The following CACNB2 variants were observed in gnomAD, a reference collection of about 807,000 sequenced individuals.
CACNB2 encodes calcium voltage-gated channel auxiliary subunit beta 2.
A neutral mutation model predicts 73.3 loss-of-function variants in CACNB2; 42 were observed. That is an observed-to-expected ratio of 0.57 (90% CI 0.45 to 0.74). The LOEUF (loss-of-function observed/expected upper bound fraction) is 0.74, where lower values mean the gene tolerates loss of function less well. Ranked by LOEUF, CACNB2 falls within the 30% of genes least tolerant of loss-of-function variation. CACNB2 has a pLI of 0.00. For synonymous variants in CACNB2, 348 were observed against 310.3 expected, an observed-to-expected ratio of 1.12 and a Z score of -1.28; for missense variants, 940 against 853.0, an observed-to-expected ratio of 1.10 and a Z score of -1.27.
intron 3 of CACNB2, among the ~76,000 whole-genome samples, chr10:18,423,402 G>A (rs1222125315): frequency 2.0e-5 from 3 of 152,152 alleles, no homozygotes; most frequent in Non-Finnish European, 2.9e-5. Context: ...AGTAGGAGGT[G>A]GTCTCTGCCA....
chr10:18,475,295 A>G (rs1439774995), intron 3 of CACNB2, among the ~76,000 whole-genome samples: 1 of 151,924 alleles, frequency 6.6e-6, no homozygotes, highest in South Asian at 2.1e-4. Flanking sequence ...TCAGTCTCCA[A>G]CCCTTTTCCT....
intron 2 of CACNB2, among the ~76,000 whole-genome samples, chr10:18,220,152 T>C (rs771001923): frequency 0.33 from 11,863 of 36,366 alleles, 2,742 homozygotes; most frequent in African/African-American, 0.6. Flanking sequence ...TATATATATA[T>C]ATACACACAC....
chr10:18,176,741 C>T lies in CACNB2; in HGVS notation c.213+25766C>T, dbSNP rs112091987. The stretch of plus-strand genomic sequence containing the variant: ...CCACGTACCAGCTTCCATGTGAGGA[C>T]CACCATAGAGGTGCTAGCCTATGGG... On this transcript the variant is annotated intron_variant, in intron 2 of 13. Coordinates refer to ENST00000324631, the MANE Select transcript of CACNB2 (RefSeq NM_201596.3). Among the ~76,000 whole-genome samples, 1,500 of 151,362 alleles carry T rather than the reference C, an allele frequency of 9.9e-3. 11 individuals carry two copies. The highest frequency in any genetic ancestry group is 0.018 in the East Asian group (95 of 5,150).
At chr10:18,338,136 G>T (rs1208586630) in intron 2 of CACNB2, among the ~76,000 whole-genome samples, 2 of 152,180 alleles carry the variant, frequency 1.3e-5, no homozygotes. Flanking sequence ...GGCAGCCTGT[G>T]GGTTGGGAAA....
chr10:18,409,104 G>T (rs1004069384), intron 3 of CACNB2, among the ~76,000 whole-genome samples: 2 of 152,002 alleles, frequency 1.3e-5, no homozygotes, highest in African/African-American at 4.8e-5. Context: ...TCGAGGCCAG[G>T]CTGGCCAACA....
chr10:18,260,887 G>T, intron 2 of CACNB2: 1 of 1,093,316 alleles, frequency 9.1e-7, no homozygotes, highest in Non-Finnish European at 1.1e-6. Flanking sequence ...AAAATCTCCC[G>T]AGTTGAGAAT....
chr10:18,270,833 G>A (rs577691417), intron 2 of CACNB2, among the ~76,000 whole-genome samples: 1 of 152,080 alleles, frequency 6.6e-6, no homozygotes, highest in African/African-American at 2.4e-5. Context: ...TTTGATTGTT[G>A]TATCTCTGTT....
rs576847019 is a variant in CACNB2 at position 18,347,401 on chromosome 10, G to A, written c.214-54523G>A. ...ATTTTAGTAGAGACCAAGTTGCCCA[G>A]GCTTGTCACGAACTCCTGAGCTCAG... is the stretch of plus-strand genomic sequence containing the variant. On this transcript the variant is annotated intron_variant, in intron 2 of 13. Transcript: ENST00000324631. Among the ~76,000 whole-genome samples the A allele has an allele frequency of 2.9e-5, 4 of 136,376 alleles. No homozygotes were observed. The East Asian group carries it at 9.6e-4, about 33-fold the overall frequency. 89.5% of individuals were successfully genotyped at this position (136,376 alleles called of 152,430 possible).
chr10:18,352,735 T>C (rs1185058398), intron 2 of CACNB2, among the ~76,000 whole-genome samples: 1 of 152,210 alleles, frequency 6.6e-6, no homozygotes, highest in Non-Finnish European at 1.5e-5. Flanking sequence ...CATTTCATAG[T>C]ATATGACATT....
At chr10:18,193,110 A>G (rs184161153) in intron 2 of CACNB2, among the ~76,000 whole-genome samples, 2 of 152,308 alleles carry the variant, frequency 1.3e-5, no homozygotes, top group East Asian at 3.9e-4. Flanking sequence ...TTTGAATACA[A>G]TGTATAATGA....
chr10:18,309,281 A>G (rs531751666), intron 2 of CACNB2, among the ~76,000 whole-genome samples: 3 of 100,856 alleles, frequency 3.0e-5, no homozygotes, highest in African/African-American at 1.2e-4. Flanking sequence ...CAATAGAGTC[A>G]AAAATGTCTC....
chr10:18,375,118 A>T (rs1359885272), intron 2 of CACNB2, among the ~76,000 whole-genome samples: 1 of 152,148 alleles, frequency 6.6e-6, no homozygotes, highest in Non-Finnish European at 1.5e-5. Context: ...CTCGGGAGGC[A>T]GGAAGATTGC....
At chr10:18,393,003 G>C (rs1369056011) in intron 2 of CACNB2, among the ~76,000 whole-genome samples, 1 of 152,080 alleles carries the variant, frequency 6.6e-6, no homozygotes, top group Non-Finnish European at 1.5e-5. Flanking sequence ...GGGTTCAGGA[G>C]TTCAAGACCA....
chr10:18,413,376 T>C (rs1323267075), intron 3 of CACNB2, among the ~76,000 whole-genome samples: 1 of 152,222 alleles, frequency 6.6e-6, no homozygotes, highest in Non-Finnish European at 1.5e-5. Context: ...TTCTATTCTC[T>C]CATACTTCTC....
chr10:18,366,436 G>C (rs911760586), intron 2 of CACNB2, among the ~76,000 whole-genome samples: 3 of 145,794 alleles, frequency 2.1e-5, no homozygotes, highest in African/African-American at 7.7e-5. Flanking sequence ...CTGCACTCCA[G>C]CCTGGGCGAC....
rs548220454 is a variant in CACNB2, at chr10:18,306,969, C to T, written c.214-94955C>T. Among the ~76,000 whole-genome samples, 6 of 151,894 alleles carry T rather than the reference C, an allele frequency of 4.0e-5. No individual in the cohort carries two copies. The South Asian group carries it at 8.3e-4, about 21-fold the overall frequency. ...AATAATATGGGTTAAAGGCAAGAGGCGGTAAGGATGATGTCTGTCAGTTCC... is the reference window on the plus strand; with the variant it reads ...AATAATATGGGTTAAAGGCAAGAGGTGGTAAGGATGATGTCTGTCAGTTCC... On this transcript the variant is annotated intron_variant, in intron 2 of 13. Coordinates refer to ENST00000324631, the MANE Select transcript of CACNB2 (RefSeq NM_201596.3).
At chr10:18,519,063 T>C (rs1489470172) in intron 9 of CACNB2, 95 bp downstream of exon 9, 2 of 978,262 alleles carry the variant, frequency 2.0e-6, no homozygotes, top group East Asian at 4.8e-5. Context: ...AAAATGGCCC[T>C]CTGATGTCTA....
chr10:18,294,466 G>A (rs959810908), intron 2 of CACNB2, among the ~76,000 whole-genome samples: 3 of 152,200 alleles, frequency 2.0e-5, no homozygotes, highest in Admixed American at 6.5e-5. Flanking sequence ...AAAGATCCTT[G>A]AGAATCTCCA....
At chr10:18,509,037 C>T (rs2133089017) in intron 6 of CACNB2, among the ~76,000 whole-genome samples, 1 of 152,160 alleles carries the variant, frequency 6.6e-6, no homozygotes, top group East Asian at 1.9e-4. Flanking sequence ...AGAGATACAC[C>T]AACTTTCAAG....
Sources: allele counts gnomAD v4.1 joint callset (sites outside exome capture counted in the v4.1 genomes callset), GRCh38; gene constraint gnomAD v4.1.1; transcripts MANE v1.5; gene names NCBI Gene and HGNC (gene_info 2026-07-23, HGNC 2026-07-21).